AMTN: variants seen among roughly 807,000 people sequenced by gnomAD.
AMTN encodes the protein amelotin.
Under a neutral mutation model 27.4 loss-of-function variants are expected in AMTN, and 29 were observed. That is an observed-to-expected ratio of 1.06 (90% CI 0.79 to 1.44). AMTN has a LOEUF of 1.44. Among genes scored for constraint, AMTN ranks in the 40% most tolerant of loss-of-function variants. AMTN has a pLI of 0.00. For synonymous variants in AMTN, 86 were observed against 95.7 expected (o/e 0.90, Z 0.59); for missense variants, 247 against 248.8 (o/e 0.99, Z 0.05).
intron 5 of AMTN, among the ~76,000 whole-genome samples, chr4:70,526,216 T>C (rs937054154): frequency 2.0e-5 from 3 of 152,224 alleles, no homozygotes; most frequent in Non-Finnish European, 4.4e-5. Context: ...GTCTTTTTTC[T>C]ATACACATAA....
chr4:70,518,815 C>G lies in AMTN; in HGVS notation c.38C>G (p.Ser13Ter). Residue 13 changes from serine to a stop codon, truncating the protein, a stop_gained, in exon 2 of 9, where the codon TCA (serine) becomes TGA (stop). Transcript: ENST00000339336. LOFTEE classifies it high-confidence loss of function. Reference protein sequence around the residue: ...STILLFCLLGSTRSLPQLKPA... With the variant: ...STILLFCLLG ...ATTCTACTGTTTTGTCTTCTAGGAT[C>G]AACTCGGTCATTACCAGTAAGTATG... The G allele has an allele frequency of 6.2e-7, 1 of 1,610,088 alleles. No homozygotes were observed. The highest frequency in any genetic ancestry group is 8.5e-7 in the Non-Finnish European group (1 of 1,176,386).
chr4:70,524,447 T>C (rs1352953920), intron 4 of AMTN, among the ~76,000 whole-genome samples: 2 of 152,224 alleles, frequency 1.3e-5, no homozygotes, highest in East Asian at 1.9e-4. Flanking sequence ...AATTTAAATA[T>C]AGCTCATGTT....
Position 70,518,810 on chromosome 4 carries a change from AG to A in AMTN, c.35del (p.Gly12AspfsTer40). On this transcript the variant is annotated frameshift_variant, in exon 2 of 9. Transcript: ENST00000339336. LOFTEE classifies it high-confidence loss of function. ...RSTILLFCLLGSTRSLPQLKP... is the reference protein window; with the variant it reads ...RSTILLFCLLXSTRSLPQLKP... ...GTACGATTCTACTGTTTTGTCTTCT[AG>A]GATCAACTCGGTCATTACCAGTAAG... The A allele has an allele frequency of 1.2e-6, 2 of 1,610,084 alleles. No homozygotes were observed. The highest frequency in any genetic ancestry group is 1.7e-6 in the Non-Finnish European group (2 of 1,176,306).
intron 1 of AMTN, 43 bp downstream of exon 1, chr4:70,518,697 A>T: frequency 8.6e-7 from 1 of 1,159,446 alleles, no homozygotes; most frequent in Non-Finnish European, 1.3e-6. Context: ...TTTTGTTTTT[A>T]AAGTATCATT....
rs745826836 is a variant in AMTN at position 70,524,884 on chromosome 4, G to A, written c.217G>A (p.Ala73Thr). The A allele has an allele frequency of 6.2e-7, 1 of 1,613,872 alleles. No homozygotes were observed. Among genetic ancestry groups the A allele is most frequent in the South Asian group, 1.1e-5 (1 of 91,060 alleles). Residue 73 changes from alanine to threonine, a missense_variant, in exon 5 of 9, where the codon GCA (alanine) becomes ACA (threonine). By Grantham distance (58) the Ala-to-Thr change is moderately conservative (BLOSUM62 0). Coordinates refer to ENST00000339336, the MANE Select transcript of AMTN (RefSeq NM_212557.4). ...GPDLHLLNPA[A>T]GMTPGTQTHP... ...CCTTGCCCTACAGTTAAATCCTGCT[G>A]CAGGAATGACACCTGGTACCCAGAC...
intron 4 of AMTN, among the ~76,000 whole-genome samples, 178 bp downstream of exon 4, chr4:70,524,111 T>C (rs1161595625): frequency 6.6e-6 from 1 of 152,174 alleles, no homozygotes; most frequent in Non-Finnish European, 1.5e-5. Context: ...TGGACATCAT[T>C]AAACGTTTTT....
intron 4 of AMTN, among the ~76,000 whole-genome samples, chr4:70,524,236 C>A (rs940303463): frequency 6.6e-6 from 1 of 152,186 alleles, no homozygotes; most frequent in East Asian, 1.9e-4. Context: ...GCCCCTACAG[C>A]ATCCACACAT....
chr4:70,524,177 C>T (rs1211157626), intron 4 of AMTN, among the ~76,000 whole-genome samples: 1 of 152,150 alleles, frequency 6.6e-6, no homozygotes, highest in Non-Finnish European at 1.5e-5. Flanking sequence ...TCCAGTTTCT[C>T]TAACCTCTTC....
rs769830496 is a variant in AMTN at position 70,524,891 on chromosome 4, T to G, written c.224T>G (p.Met75Arg). The change falls in exon 5 of 9, where the codon ATG becomes AGG. Residue 75 changes from methionine to arginine, a missense_variant. By Grantham distance (91) the Met-to-Arg change is moderately conservative. Transcript: ENST00000339336. ...DLHLLNPAAG[M>R]TPGTQTHPLT... ...CTACAGTTAAATCCTGCTGCAGGAA[T>G]GACACCTGGTACCCAGACCCACCCA... The G allele has an allele frequency of 6.2e-7, 1 of 1,614,072 alleles. No homozygotes were observed. Among genetic ancestry groups the G allele is most frequent in the Non-Finnish European group, 8.5e-7 (1 of 1,179,976 alleles).
At chr4:70,526,571 G>T (rs1736103084) in intron 5 of AMTN, among the ~76,000 whole-genome samples, 1 of 152,102 alleles carries the variant, frequency 6.6e-6, no homozygotes, top group South Asian at 2.1e-4. Context: ...GTGAACCTCT[G>T]TAAAAGATTT....
At chr4:70,519,649 G>GA (rs995906781) in intron 2 of AMTN, among the ~76,000 whole-genome samples, 3 of 151,048 alleles carry the variant, frequency 2.0e-5, no homozygotes, top group African/African-American at 4.9e-5. Context: ...AGTGAGAAGG[G>GA]AAAAAAAGGC....
intron 8 of AMTN, among the ~76,000 whole-genome samples, chr4:70,531,880 T>C (rs1736233880): frequency 6.6e-6 from 1 of 152,224 alleles, no homozygotes; most frequent in African/African-American, 2.4e-5. Flanking sequence ...GGTCTAGAAC[T>C]CCTGGCCTCA....
rs745340214 is a variant in AMTN, at chr4:70,518,821, G to A, written c.44G>A (p.Arg15Gln). ...CTGTTTTGTCTTCTAGGATCAACTC[G>A]GTCATTACCAGTAAGTATGTTATGT... ...ILLFCLLGST[R>Q]SLPQLKPALG... The change falls in exon 2 of 9, where the codon CGG becomes CAG. Residue 15 changes from arginine (R) to glutamine (Q), a missense_variant. Coordinates refer to ENST00000339336, the MANE Select transcript of AMTN (RefSeq NM_212557.4). 1.2e-5 allele frequency: 20 copies of A among 1,609,024 alleles called. No homozygotes were observed. The highest frequency in any genetic ancestry group is 1.4e-5 in the Non-Finnish European group (17 of 1,175,620).
chr4:70,527,035 C>A (rs529679727), intron 5 of AMTN, among the ~76,000 whole-genome samples: 3 of 151,392 alleles, frequency 2.0e-5, no homozygotes, highest in African/African-American at 7.3e-5. Flanking sequence ...TAGAACCACA[C>A]AATTTCTGGT....
At chr4:70,518,921 T>A in intron 2 of AMTN, 90 bp downstream of exon 2, 4 of 1,056,412 alleles carry the variant, frequency 3.8e-6, no homozygotes, top group Non-Finnish European at 5.9e-6. Context: ...CCATCAAAAC[T>A]GCTCTGTTTT....
At chr4:70,532,184 G>A (rs1736240118) in intron 8 of AMTN, among the ~76,000 whole-genome samples, 1 of 152,178 alleles carries the variant, frequency 6.6e-6, no homozygotes, top group Non-Finnish European at 1.5e-5. Context: ...TGTAATAGCA[G>A]GCACTAGTAA....
intron 7 of AMTN, 115 bp downstream of exon 7, chr4:70,529,325 C>T: frequency 1.5e-6 from 1 of 661,146 alleles, no homozygotes; most frequent in African/African-American, 1.9e-5. Flanking sequence ...CTACAATGAA[C>T]TGAACATTTT....
chr4:70,530,871 C>G lies in AMTN; in HGVS notation c.358-168C>G, dbSNP rs149329632. On this transcript the variant is annotated intron_variant, in intron 7 of 8. Transcript: ENST00000339336. ...CAAAGAGTCCCAGTATTGAATCAGA[C>G]TAGGCTGGACCAAGGGTGTATTTCC... 3.1e-3 allele frequency among the ~76,000 whole-genome samples: 472 copies of G among 152,286 alleles called. 1 individual carries two copies. Among genetic ancestry groups the G allele is most frequent in the Non-Finnish European group, 5.1e-3 (347 of 68,024 alleles).
At chr4:70,529,827 A>G (rs28733929) in intron 7 of AMTN, among the ~76,000 whole-genome samples, 67,798 of 152,006 alleles carry the variant, frequency 0.45, 15,903 homozygotes, top group Admixed American at 0.53. Context: ...GAACACAGTT[A>G]TTCAACAGCT....
Sources: gnomAD v4.1 joint callset for allele counts (sites outside exome capture counted in the v4.1 genomes callset) on GRCh38, gnomAD v4.1.1 for gene constraint, MANE v1.5 for transcripts, NCBI Gene and HGNC (gene_info 2026-07-23, HGNC 2026-07-21) for gene names.